Variants in KSR2 observed in about 807,000 individuals in gnomAD.
KSR2 encodes kinase suppressor of ras 2.
In KSR2, 25 loss-of-function variants were observed where a neutral mutation model predicts 107.8. The observed-to-expected ratio is 0.23, with a 90% CI of 0.17 to 0.32. The LOEUF (loss-of-function observed/expected upper bound fraction) is 0.32, where lower values mean the gene tolerates loss of function less well. Among genes scored for constraint, KSR2 ranks in the 10% least tolerant of loss-of-function variants. The probability of loss-of-function intolerance (pLI) is 1.00; values close to 1 mark genes in which losing one functional copy is unlikely to be tolerated. For synonymous variants in KSR2, 480 were observed against 507.0 expected (o/e 0.95, Z 0.71); for missense variants, 887 against 1,268.9 (o/e 0.70, Z 4.57).
intron 5 of KSR2, among the ~76,000 whole-genome samples, chr12:117,661,286 A>G (rs1332434008): frequency 6.6e-6 from 1 of 152,094 alleles, no homozygotes; most frequent in Non-Finnish European, 1.5e-5. Flanking sequence ...AAATTGCTCT[A>G]AAGGATACTA....
At chr12:117,592,400 G>C (rs570126504) in intron 5 of KSR2, among the ~76,000 whole-genome samples, 1 of 152,084 alleles carries the variant, frequency 6.6e-6, no homozygotes, top group Admixed American at 6.6e-5. Flanking sequence ...AGGCATGAGC[G>C]ACCGTGCCTG....
rs576015163 is a variant in KSR2, at chr12:117,771,883, CACAA to C, written c.473-10363_473-10360del. On this transcript the variant is annotated intron_variant, in intron 3 of 19. Transcript: ENST00000339824. ...CACACATACCACTCCCCCAAAGACG[CACAA>C]ACACACAGTCACACATACATACCAT... 1.2e-3 allele frequency among the ~76,000 whole-genome samples: 176 copies of C among 147,140 alleles called. 3 individuals carry two copies. In the South Asian group the frequency reaches 0.021, roughly 18 times the overall value.
chr12:117,965,300 A>C (rs1896754570), intron 1 of KSR2, among the ~76,000 whole-genome samples: 1 of 152,226 alleles, frequency 6.6e-6, no homozygotes. Context: ...TACTGAGCCA[A>C]CTGAAGCAGC....
intron 4 of KSR2, among the ~76,000 whole-genome samples, chr12:117,705,097 T>G (rs943297237): frequency 2.0e-5 from 3 of 152,074 alleles, no homozygotes; most frequent in South Asian, 4.1e-4. Context: ...TCCAAGGGAC[T>G]TAGAGTCCAT....
intron 9 of KSR2, among the ~76,000 whole-genome samples, chr12:117,544,836 T>A (rs1876741026): frequency 6.6e-6 from 1 of 152,228 alleles, no homozygotes; most frequent in African/African-American, 2.4e-5. Flanking sequence ...TTTTCTTGCC[T>A]TACTGTATTG....
chr12:117,944,123 T>G (rs1050969575), intron 1 of KSR2, among the ~76,000 whole-genome samples: 1 of 152,182 alleles, frequency 6.6e-6, no homozygotes, highest in Non-Finnish European at 1.5e-5. Context: ...ATGCCTGTAA[T>G]CCCAGCACTT....
chr12:117,488,146 C>T (rs1314557559), intron 14 of KSR2, among the ~76,000 whole-genome samples: 1 of 152,166 alleles, frequency 6.6e-6, no homozygotes, highest in African/African-American at 2.4e-5. Context: ...TTTGTTTCCC[C>T]TTTGCCTCCC....
At chr12:117,906,839 G>A (rs1894868705) in intron 1 of KSR2, among the ~76,000 whole-genome samples, 1 of 152,044 alleles carries the variant, frequency 6.6e-6, no homozygotes, top group South Asian at 2.1e-4. Context: ...TGAGGCCAGG[G>A]CAACATACTG....
intron 16 of KSR2, among the ~76,000 whole-genome samples, chr12:117,481,105 C>A (rs946293706): frequency 2.0e-5 from 3 of 152,094 alleles, no homozygotes; most frequent in African/African-American, 7.2e-5. Flanking sequence ...AAATATCCTT[C>A]CACATCTCTA....
chr12:117,916,854 G>A (rs1895191498), intron 1 of KSR2, among the ~76,000 whole-genome samples: 1 of 152,200 alleles, frequency 6.6e-6, no homozygotes, highest in South Asian at 2.1e-4. Flanking sequence ...TCATCTACTA[G>A]AATGAACTGG....
chr12:117,632,947 C>T (rs1005617141), intron 5 of KSR2, among the ~76,000 whole-genome samples: 1 of 152,144 alleles, frequency 6.6e-6, no homozygotes, highest in Non-Finnish European at 1.5e-5. Context: ...TGCTGATGGG[C>T]ATTGAGGTGG....
intron 5 of KSR2, among the ~76,000 whole-genome samples, chr12:117,624,706 T>C (rs879245511): frequency 6.6e-6 from 1 of 152,220 alleles, no homozygotes; most frequent in African/African-American, 2.4e-5. Flanking sequence ...GGCCATTTTT[T>C]GGTTCCATAT....
chr12:117,481,794 G>A (rs776807094), intron 16 of KSR2, among the ~76,000 whole-genome samples: 2 of 152,106 alleles, frequency 1.3e-5, no homozygotes, highest in African/African-American at 4.8e-5. Flanking sequence ...CTATAATCCA[G>A]CCCCCAGGTT....
intron 4 of KSR2, among the ~76,000 whole-genome samples, chr12:117,718,317 T>G (rs528287867): frequency 6.6e-6 from 1 of 152,194 alleles, no homozygotes; most frequent in Non-Finnish European, 1.5e-5. Context: ...TGGAACCACT[T>G]TACTGAAACC....
intron 3 of KSR2, among the ~76,000 whole-genome samples, chr12:117,826,351 C>G (rs541493111): frequency 1.3e-5 from 2 of 152,166 alleles, no homozygotes; most frequent in South Asian, 2.1e-4. Context: ...TGCTGTGCAG[C>G]CTCAGCCAGA....
intron 7 of KSR2, among the ~76,000 whole-genome samples, chr12:117,569,850 C>T (rs192606526): frequency 1.3e-4 from 20 of 152,290 alleles, no homozygotes; most frequent in African/African-American, 4.8e-4. Context: ...TATAAGTTGA[C>T]TGTTTGAGTA....
chr12:117,606,067 G>T (rs1282705626), intron 5 of KSR2, among the ~76,000 whole-genome samples: 1 of 152,120 alleles, frequency 6.6e-6, no homozygotes, highest in Non-Finnish European at 1.5e-5. Flanking sequence ...GGTGACCATG[G>T]CTGATAGGAA....
chr12:117,793,979 TGCAC>T (rs1227819945), intron 3 of KSR2, among the ~76,000 whole-genome samples: 1 of 85,922 alleles, frequency 1.2e-5, no homozygotes, highest in Non-Finnish European at 2.1e-5. Context: ...ACACACACCA[TGCAC>T]ACATACACCA....
At chr12:117,859,832 A>G (rs1037688023) in intron 2 of KSR2, among the ~76,000 whole-genome samples, 1 of 152,224 alleles carries the variant, frequency 6.6e-6, no homozygotes, top group Non-Finnish European at 1.5e-5. Context: ...CATTATGCAC[A>G]TTTCACAGAT....
Sources: gnomAD v4.1 joint callset for allele counts (sites outside exome capture counted in the v4.1 genomes callset) on GRCh38, gnomAD v4.1.1 for gene constraint, MANE v1.5 for transcripts, NCBI Gene and HGNC (gene_info 2026-07-23, HGNC 2026-07-21) for gene names.